The following COL18A1 variants were observed in gnomAD, a reference collection of about 807,000 sequenced individuals.
COL18A1 encodes the protein collagen alpha-1(XVIII) chain.
In COL18A1, 133 loss-of-function variants were observed where a neutral mutation model predicts 168.0. The ratio of observed to expected loss-of-function variants is 0.79; its 90% CI spans 0.69 to 0.91. The LOEUF is 0.91. Among genes scored for constraint, COL18A1 ranks in the 40% least tolerant of loss-of-function variants. The probability of loss-of-function intolerance (pLI) is 0.00; values close to 1 mark genes in which losing one functional copy is unlikely to be tolerated. For synonymous variants in COL18A1, 949 were observed against 809.0 expected, an observed-to-expected ratio of 1.17 and a Z score of -2.94; for missense variants, 2,126 against 1,925.4, an observed-to-expected ratio of 1.10 and a Z score of -1.95.
chr21:45,422,404 G>A, intron 2 of COL18A1: 1 of 516,658 alleles, frequency 1.9e-6, no homozygotes, highest in Non-Finnish European at 4.0e-6. Flanking sequence ...GGGCACTGAG[G>A]GTCTCACCTC....
rs566704982 is a variant in COL18A1, at chr21:45,492,469, G to A, written c.2158-66G>A. 34 of 1,579,396 alleles carry A rather than the reference G, an allele frequency of 2.2e-5. No individual in the cohort carries two copies. The South Asian group carries it at 2.3e-4, about 11-fold the overall frequency. ...TTGGTGTTTTGTTGATCTGTAAGTC[G>A]CTCGAGTCCAGTTGAATTTTAAACG... On this transcript the variant is annotated intron_variant, in intron 22 of 41. Transcript: ENST00000651438.
intron 29 of COL18A1, chr21:45,495,733 C>T: frequency 1.2e-5 from 5 of 405,360 alleles, no homozygotes; most frequent in South Asian, 1.0e-4. Context: ...CACACACATC[C>T]ACACGTGCTC....
rs1375414786 is a variant in COL18A1 at position 45,463,566 on chromosome 21, C to G, written c.107-4676C>G. 6.6e-6 allele frequency among the ~76,000 whole-genome samples: 1 copy of G among 152,182 alleles called. No homozygotes were observed. Among genetic ancestry groups the G allele is most frequent in the Non-Finnish European group, 1.5e-5 (1 of 68,038 alleles). On this transcript the variant is annotated intron_variant, in intron 2 of 41. Transcript: ENST00000651438. The surrounding 1 kb of genome is among the most constrained non-coding windows in gnomAD (Gnocchi z 4.0). ...TTTCCATCTGCCATTTACCAGAGTACTCCAGAATCATTTTCAAACACGTTT... is the reference window on the plus strand; with the variant it reads ...TTTCCATCTGCCATTTACCAGAGTAGTCCAGAATCATTTTCAAACACGTTT...
intron 36 of COL18A1, 74 bp downstream of exon 36, chr21:45,505,505 G>C (rs1003050167): frequency 7.4e-6 from 6 of 809,586 alleles, no homozygotes; most frequent in African/African-American, 1.7e-5. Flanking sequence ...GCCCCTCAGA[G>C]ACACTCTCCC....
intron 17 of COL18A1, among the ~76,000 whole-genome samples, chr21:45,488,156 C>T (rs910454459): frequency 6.6e-6 from 1 of 152,246 alleles, no homozygotes; most frequent in African/African-American, 2.4e-5. Flanking sequence ...CAGCTTCATG[C>T]TCAGAGACTC....
intron 2 of COL18A1, among the ~76,000 whole-genome samples, chr21:45,459,544 C>T (rs1373420442): frequency 2.6e-5 from 4 of 152,236 alleles, no homozygotes; most frequent in African/African-American, 9.6e-5. Flanking sequence ...GTCCACCCCG[C>T]CGGCCCACCT....
chr21:45,510,410 C>T, intron 40 of COL18A1, 149 bp downstream of exon 40: 1 of 900,782 alleles, frequency 1.1e-6, no homozygotes, highest in Non-Finnish European at 1.7e-6. Flanking sequence ...AGGGCAGGCT[C>T]CGGGTGGGTC....
intron 2 of COL18A1, chr21:45,421,437 G>A (rs752065666): frequency 3.2e-5 from 17 of 534,472 alleles, no homozygotes; most frequent in Non-Finnish European, 5.8e-5. Flanking sequence ...GTTGGGGGCT[G>A]TGTTGCAGTG....
chr21:45,407,157 G>A (rs2033142267), intron 2 of COL18A1, among the ~76,000 whole-genome samples: 1 of 152,258 alleles, frequency 6.6e-6, no homozygotes, highest in South Asian at 2.1e-4. Flanking sequence ...GCAGGACCAA[G>A]TCCCCCTGAA....
Position 45,468,589 on chromosome 21 carries a change from A to C in COL18A1, c.454A>C (p.Ser152Arg), listed in dbSNP as rs1568893122. Residue 152 changes from serine (S) to arginine (R), a missense_variant, in exon 3 of 42, where the codon AGC (serine) becomes CGC (arginine). Coordinates refer to ENST00000651438, the MANE Select transcript of COL18A1 (RefSeq NM_001379500.1). ...PGAGQTHTAA[S>R]FRLPAFVGQW... is the part of the protein sequence containing the mutation. ...TGCAGGCCAGACCCACACAGCCGCC[A>C]GCTTCCGGCTCCCCGCCTTCGTCGG... 4 of 1,613,794 alleles carry C rather than the reference A, an allele frequency of 2.5e-6. No homozygotes were observed. Among genetic ancestry groups the C allele is most frequent in the Non-Finnish European group, 3.4e-6 (4 of 1,180,020 alleles).
intron 2 of COL18A1, chr21:45,420,040 A>C (rs1361700549): frequency 1.3e-5 from 2 of 152,252 alleles, no homozygotes; most frequent in African/African-American, 4.8e-5. Flanking sequence ...GTTGAGATAA[A>C]TACCAGGACC....
intron 2 of COL18A1, among the ~76,000 whole-genome samples, chr21:45,419,064 C>T (rs982811388): frequency 1.8e-4 from 28 of 152,344 alleles, no homozygotes; most frequent in South Asian, 4.1e-4. Context: ...GTGTCAGTGG[C>T]GGGTCAGGGA....
chr21:45,450,359 C>A (rs1039962418), intron 2 of COL18A1, among the ~76,000 whole-genome samples: 2 of 152,122 alleles, frequency 1.3e-5, no homozygotes, highest in African/African-American at 4.8e-5. Flanking sequence ...GTGTGGGAGA[C>A]CCGCGGAGAG....
rs763501978 is a variant in COL18A1, at chr21:45,491,274, C to CG, written c.2117_2118insG (p.Gly707ArgfsTer23). 2 of 1,612,182 alleles carry CG rather than the reference C, an allele frequency of 1.2e-6. No homozygotes were observed. Among genetic ancestry groups the CG allele is most frequent in the East Asian group, 2.2e-5 (1 of 44,848 alleles). On this transcript the variant is annotated frameshift_variant, in exon 22 of 42. Coordinates refer to ENST00000651438, the MANE Select transcript of COL18A1 (RefSeq NM_001379500.1). LOFTEE classifies it high-confidence loss of function. The stretch of plus-strand genomic sequence containing the variant: ...GGGCAGCCGGGCCTCCCTGGCCCCC[C>CG]CGGACCCCCGGGACCTGTGGTCTAC...
Position 45,482,307 on chromosome 21 carries a change from C to T in COL18A1, c.1674+282C>T, listed in dbSNP as rs115306433. 2,351 of 669,856 alleles carry T rather than the reference C, an allele frequency of 3.5e-3. 39 individuals carry two copies. In the African/African-American group the frequency reaches 0.035, roughly 10 times the overall value. The allele number at this position is 669,856 out of a possible 1,614,324, so 41.5% of individuals were successfully genotyped here. The stretch of plus-strand genomic sequence containing the variant: ...TTACTCCAAGCTTCCACGTTGGTTA[C>T]GGGGCAGTGGCCATGAGCCTCTGTC... On this transcript the variant is annotated intron_variant, in intron 14 of 41. Transcript: ENST00000651438.
intron 2 of COL18A1, among the ~76,000 whole-genome samples, chr21:45,452,568 CAT>C (rs2034649117): frequency 1.4e-5 from 2 of 146,926 alleles, no homozygotes; most frequent in Non-Finnish European, 3.0e-5. Flanking sequence ...TCATGTGACA[CAT>C]GTAAGCATGT....
At chr21:45,497,751 T>TC in intron 32 of COL18A1, 90 bp downstream of exon 32, 1 of 1,519,058 alleles carries the variant, frequency 6.6e-7, no homozygotes, top group Admixed American at 2.0e-5. Flanking sequence ...CACAAGCAGG[T>TC]CCTGGACCCT....
chr21:45,465,313 C>T (rs76255334), intron 2 of COL18A1, among the ~76,000 whole-genome samples: 4,432 of 152,248 alleles, frequency 0.029, 231 homozygotes, highest in African/African-American at 0.1. Flanking sequence ...ATGTTGTAAA[C>T]GTGTCCGAGT....
intron 31 of COL18A1, 146 bp downstream of exon 31, chr21:45,497,238 G>A: frequency 1.4e-6 from 1 of 710,798 alleles, no homozygotes; most frequent in South Asian, 1.5e-5. Context: ...CAGTTCCGAT[G>A]ACCTTGGCCC....
Sources: allele counts gnomAD v4.1 joint callset (sites outside exome capture counted in the v4.1 genomes callset), GRCh38; gene constraint gnomAD v4.1.1; non-coding constraint Gnocchi (gnomAD v3.1); transcripts MANE v1.5; gene names NCBI Gene and HGNC (gene_info 2026-07-23, HGNC 2026-07-21).